The following CELSR1 variants were observed in gnomAD, a reference collection of about 807,000 sequenced individuals.
The protein encoded by CELSR1 is adhesion G protein-coupled receptor C1.
Under a neutral mutation model 249.1 loss-of-function variants are expected in CELSR1, and 110 were observed. The ratio of observed to expected loss-of-function variants is 0.44; its 90% CI spans 0.38 to 0.52. The LOEUF (loss-of-function observed/expected upper bound fraction) is 0.52, where lower values mean the gene tolerates loss of function less well. Among genes scored for constraint, CELSR1 ranks in the 20% least tolerant of loss-of-function variants. CELSR1 has a pLI of 0.00. For synonymous variants in CELSR1, 2,113 were observed against 1,900.0 expected, an observed-to-expected ratio of 1.11 and a Z score of -2.92; for missense variants, 4,109 against 4,296.4, an observed-to-expected ratio of 0.96 and a Z score of 1.22.
intron 3 of CELSR1, 28 bp downstream of exon 3, chr22:46,439,161 C>CGT (rs1569163364): frequency 6.3e-7 from 1 of 1,593,802 alleles, no homozygotes; most frequent in Non-Finnish European, 8.6e-7. Context: ...AAGAGACCCC[C>CGT]GTGTGGCGCG....
chr22:46,493,681 A>G (rs893513594), intron 1 of CELSR1, among the ~76,000 whole-genome samples: 2 of 152,134 alleles, frequency 1.3e-5, no homozygotes, highest in Admixed American at 6.6e-5. Context: ...TAACTAAATT[A>G]TGGGGGCAGG....
intron 1 of CELSR1, among the ~76,000 whole-genome samples, chr22:46,498,521 G>A (rs1234986664): frequency 2.0e-5 from 3 of 151,560 alleles, no homozygotes; most frequent in Non-Finnish European, 4.4e-5. Context: ...GCTGAGGCAG[G>A]AGAGTCACTT....
At position 46,390,432 on chromosome 22, in the gene CELSR1, A is replaced by G; in HGVS notation, c.6305T>C (p.Phe2102Ser). The change falls in exon 17 of 35, where the codon TTT becomes TCT. Residue 2102 changes from phenylalanine (F) to serine (S), a missense_variant. This residue lies in a region of CELSR1 where 1,805 missense variants were observed against 1,831.6 expected (regional missense o/e 0.99). Coordinates refer to ENST00000674500, the MANE Select transcript of CELSR1 (RefSeq NM_001378328.1). The surrounding 1 kb of genome is among the most constrained non-coding windows in gnomAD (Gnocchi z 6.3). Reference protein sequence around the residue: ...GEKGWLPPELFNCTTISFVDL... With the variant: ...GEKGWLPPELSNCTTISFVDL... Reference sequence around the variant, plus strand: ...CACGAAGGAGATGGTGGTACAGTTAAAGAGCTCTGGGGGCAGCCAGCCCTT... The same window carrying G: ...CACGAAGGAGATGGTGGTACAGTTAGAGAGCTCTGGGGGCAGCCAGCCCTT... The G allele has an allele frequency of 6.2e-7, 1 of 1,613,962 alleles. No homozygotes were observed. Among genetic ancestry groups the G allele is most frequent in the Non-Finnish European group, 8.5e-7 (1 of 1,179,978 alleles).
rs1602125682 is a variant in CELSR1 at position 46,430,860 on chromosome 22, T to C, written c.4611+2533A>G. Among the ~76,000 whole-genome samples the C allele has an allele frequency of 6.6e-6, 1 of 152,158 alleles. No individual in the cohort carries two copies. The highest frequency in any genetic ancestry group is 2.4e-5 in the African/African-American group (1 of 41,508). ...TTTGTCAGAGCTGCCACTCGGAGAC[T>C]AAGTCACGGAGCAGCAGTACTGTCT... On this transcript the variant is annotated intron_variant, in intron 5 of 34. Transcript: ENST00000674500. This position sits in a 1 kb window ranked among gnomAD's most constrained non-coding sequence, Gnocchi z 4.6.
chr22:46,531,613 G>A (rs1461178916), intron 1 of CELSR1, among the ~76,000 whole-genome samples: 1 of 152,238 alleles, frequency 6.6e-6, no homozygotes, highest in Non-Finnish European at 1.5e-5. Context: ...AGAGCGGGCT[G>A]CTTTCTGCGG....
At position 46,471,644 on chromosome 22, in the gene CELSR1, C is replaced by T. The variant is rs1461700431; in HGVS notation, c.3545-7299G>A. On this transcript the variant is annotated intron_variant, in intron 1 of 34. Coordinates refer to ENST00000674500, the MANE Select transcript of CELSR1 (RefSeq NM_001378328.1). This position sits in a 1 kb window ranked among gnomAD's most constrained non-coding sequence, Gnocchi z 4.9. ...CTCCTGGCCTCAAGCGATCCTCCCA[C>T]CTCAGCCTCCCAAAGTGCTGGGATT... Among the ~76,000 whole-genome samples the T allele has an allele frequency of 3.9e-5, 6 of 152,238 alleles. No individual in the cohort carries two copies. The highest frequency in any genetic ancestry group is 7.2e-5 in the African/African-American group (3 of 41,468).
intron 1 of CELSR1, among the ~76,000 whole-genome samples, chr22:46,509,205 AC>A (rs966617983): frequency 4.6e-5 from 7 of 152,148 alleles, no homozygotes; most frequent in African/African-American, 1.7e-4. Context: ...GGCCAGGTTC[AC>A]AGGCACCACA....
At chr22:46,523,948 C>T (rs372241408) in intron 1 of CELSR1, among the ~76,000 whole-genome samples, 1 of 152,348 alleles carries the variant, frequency 6.6e-6, no homozygotes, top group South Asian at 2.1e-4. Context: ...CTGCCACTGT[C>T]GCCCACCCCC....
chr22:46,451,683 G>A (rs1388509750), intron 2 of CELSR1, among the ~76,000 whole-genome samples: 1 of 152,174 alleles, frequency 6.6e-6, no homozygotes, highest in African/African-American at 2.4e-5. Context: ...CACCGACGAT[G>A]GAGGAGAGAC....
intron 1 of CELSR1, among the ~76,000 whole-genome samples, chr22:46,509,467 G>A (rs2080550207): frequency 3.3e-5 from 1 of 30,124 alleles, no homozygotes; most frequent in Non-Finnish European, 8.1e-5. Flanking sequence ...GGAGCCCTGA[G>A]CCCATGCCAC....
intron 1 of CELSR1, among the ~76,000 whole-genome samples, chr22:46,495,353 T>C (rs2080403294): frequency 6.6e-6 from 1 of 152,066 alleles, no homozygotes; most frequent in African/African-American, 2.4e-5. Flanking sequence ...AAAGGCACAG[T>C]GAGAACATGG....
chr22:46,398,679 C>T lies in CELSR1; in HGVS notation c.5413-42G>A, dbSNP rs2079178530. ...GCCGGGGATCTGGGGGCTGCATCCA[C>T]CATCCTAGAAACGTCTCTCAGATGG... On this transcript the variant is annotated intron_variant, in intron 10 of 34. Transcript: ENST00000674500. This position sits in a 1 kb window ranked among gnomAD's most constrained non-coding sequence, Gnocchi z 7.2. 6.7e-7 allele frequency: 1 copy of T among 1,500,848 alleles called. No homozygotes were observed. The highest frequency in any genetic ancestry group is 1.2e-5 in the South Asian group (1 of 84,226). The allele number at this position is 1,500,848 out of a possible 1,614,324, so 93.0% of individuals were successfully genotyped here.
At chr22:46,459,179 T>C (rs879739810) in intron 2 of CELSR1, among the ~76,000 whole-genome samples, 32 of 152,162 alleles carry the variant, frequency 2.1e-4, no homozygotes, top group Admixed American at 5.2e-4. Flanking sequence ...TGAGCCACCG[T>C]GCCCAGCCGG....
chr22:46,432,461 G>T (rs1464881181), intron 5 of CELSR1, among the ~76,000 whole-genome samples: 1 of 152,192 alleles, frequency 6.6e-6, no homozygotes, highest in African/African-American at 2.4e-5. Flanking sequence ...GCACAGCGGG[G>T]GTGGCCAGGC....
chr22:46,433,491 G>A lies in CELSR1; in HGVS notation c.4523-10C>T. The A allele has an allele frequency of 1.2e-6, 2 of 1,611,818 alleles. No individual in the cohort carries two copies. Among genetic ancestry groups the A allele is most frequent in the Non-Finnish European group, 1.7e-6 (2 of 1,178,462 alleles). ...GTCGTTGTTGTCTCGCCTGCATGGT[G>A]GGAGGGAGACCCAGAGAGAAAACAG... is the stretch of plus-strand genomic sequence containing the variant. On this transcript the variant is annotated splice_polypyrimidine_tract_variant and intron_variant, in intron 4 of 34. Coordinates refer to ENST00000674500, the MANE Select transcript of CELSR1 (RefSeq NM_001378328.1). This position sits in a 1 kb window ranked among gnomAD's most constrained non-coding sequence, Gnocchi z 5.7.
rs1459068136 is a variant in CELSR1 at position 46,517,474 on chromosome 22, G to A, written c.3544+16153C>T. ...CACGGGGCACAAGGCGGTATCTGGA[G>A]GGTAGAACCACAATGGCTGATGTGC... On this transcript the variant is annotated intron_variant, in intron 1 of 34. Coordinates refer to ENST00000674500, the MANE Select transcript of CELSR1 (RefSeq NM_001378328.1). This position sits in a 1 kb window ranked among gnomAD's most constrained non-coding sequence, Gnocchi z 5.4. 2.6e-5 allele frequency among the ~76,000 whole-genome samples: 4 copies of A among 152,174 alleles called. No individual in the cohort carries two copies. Among genetic ancestry groups the A allele is most frequent in the African/African-American group, 9.6e-5 (4 of 41,462 alleles).
chr22:46,404,607 G>A (rs1193930656), intron 9 of CELSR1, among the ~76,000 whole-genome samples: 1 of 151,960 alleles, frequency 6.6e-6, no homozygotes, highest in Admixed American at 6.6e-5. Context: ...GGTTTTTGGT[G>A]GGGGAGGGGG....
rs2079167175 is a variant in CELSR1, at chr22:46,397,830, T to A, written c.5545A>T (p.Thr1849Ser). The change falls in exon 12 of 35, where the codon ACG becomes TCG. Residue 1849 changes from threonine (T) to serine (S), a missense_variant. Thr to Ser is a moderately conservative substitution (Grantham distance 58, BLOSUM62 1). This residue lies in a region of CELSR1 where 1,805 missense variants were observed against 1,831.6 expected (regional missense o/e 0.99). Transcript: ENST00000674500. ...GCMQGVRMGG[T>S]PTNVATLNMN... The stretch of plus-strand genomic sequence containing the variant: ...TTCAGGGTGGCGACGTTGGTGGGCG[T>A]CCCCCCCATCCTCACTCCCTGCATT... The A allele has an allele frequency of 6.4e-7, 1 of 1,567,350 alleles. No homozygotes were observed. Among genetic ancestry groups the A allele is most frequent in the Admixed American group, 1.8e-5 (1 of 55,884 alleles).
At chr22:46,366,317 T>A (rs73889254) in intron 30 of CELSR1, 69 bp downstream of exon 30, 9 of 1,053,948 alleles carry the variant, frequency 8.5e-6, no homozygotes, top group Non-Finnish European at 1.1e-5. Flanking sequence ...GGACACAGGT[T>A]GGGGTGGCAG....
Sources: allele counts gnomAD v4.1 joint callset (sites outside exome capture counted in the v4.1 genomes callset), GRCh38; gene constraint gnomAD v4.1.1; regional missense constraint gnomAD v4.1.1; non-coding constraint Gnocchi (gnomAD v3.1); transcripts MANE v1.5; gene names NCBI Gene and HGNC (gene_info 2026-07-23, HGNC 2026-07-21).